Variants in MTDH observed in about 807,000 individuals in gnomAD.
The protein encoded by MTDH is metadherin.
A neutral mutation model predicts 72.7 loss-of-function variants in MTDH; 34 were observed. The ratio of observed to expected loss-of-function variants is 0.47; its 90% CI spans 0.36 to 0.62. The LOEUF is 0.62. Among genes scored for constraint, MTDH ranks in the 20% least tolerant of loss-of-function variants. MTDH has a pLI of 0.00. For missense variants in MTDH, 677 were observed against 699.4 expected (o/e 0.97, Z 0.36); for synonymous variants, 266 against 268.9 (o/e 0.99, Z 0.10).
At chr8:97,664,007 C>G (rs1812277797) in intron 2 of MTDH, among the ~76,000 whole-genome samples, 2 of 152,078 alleles carry the variant, frequency 1.3e-5, no homozygotes. Context: ...ATAGTTATAG[C>G]CCCATTTTAC....
chr8:97,661,611 T>C (rs1340000401), intron 2 of MTDH, among the ~76,000 whole-genome samples: 1 of 152,206 alleles, frequency 6.6e-6, no homozygotes, highest in African/African-American at 2.4e-5. Context: ...GGAAACATAA[T>C]TGTCTATTTA....
At chr8:97,651,175 C>T (rs1811756985) in intron 1 of MTDH, among the ~76,000 whole-genome samples, 1 of 152,182 alleles carries the variant, frequency 6.6e-6, no homozygotes, top group African/African-American at 2.4e-5. Flanking sequence ...AGCCTCTGGT[C>T]ACAATATTTT....
chr8:97,697,146 A>ATTTT (rs1317264159), intron 6 of MTDH, among the ~76,000 whole-genome samples: 1 of 68,966 alleles, frequency 1.4e-5, no homozygotes, highest in African/African-American at 1.4e-4. Flanking sequence ...ATATATATAT[A>ATTTT]TATATTTTTT....
intron 1 of MTDH, among the ~76,000 whole-genome samples, chr8:97,650,611 G>C (rs1203497245): frequency 6.6e-6 from 1 of 152,176 alleles, no homozygotes; most frequent in Non-Finnish European, 1.5e-5. Flanking sequence ...TCAAGGCCCA[G>C]CTGCAGTGCT....
At position 97,722,249 on chromosome 8, in the gene MTDH, C is replaced by T. The variant is rs1461790467; in HGVS notation, c.1522-630C>T. Among the ~76,000 whole-genome samples the T allele has an allele frequency of 4.6e-5, 7 of 151,270 alleles. No homozygotes were observed. The East Asian group carries it at 1.2e-3, about 25-fold the overall frequency. On this transcript the variant is annotated intron_variant, in intron 10 of 11. Transcript: ENST00000336273. ...CTGCACTCTAGGCTAGGCCATAGAGCGATACTCTGTCTCAAAAAAGAAAAG... is the reference window on the plus strand; with the variant it reads ...CTGCACTCTAGGCTAGGCCATAGAGTGATACTCTGTCTCAAAAAAGAAAAG...
chr8:97,664,747 T>C (rs1812311474), intron 2 of MTDH, among the ~76,000 whole-genome samples: 1 of 151,960 alleles, frequency 6.6e-6, no homozygotes, highest in Admixed American at 6.6e-5. Context: ...TTTTCCTTCC[T>C]TCCTTCTTTC....
intron 2 of MTDH, among the ~76,000 whole-genome samples, chr8:97,668,445 A>T (rs1038653605): frequency 1.3e-5 from 2 of 152,156 alleles, no homozygotes; most frequent in African/African-American, 4.8e-5. Context: ...GGGCTGTGTC[A>T]TGGGCCAAAA....
chr8:97,652,233 G>A (rs1024665150), intron 1 of MTDH, among the ~76,000 whole-genome samples: 1 of 152,164 alleles, frequency 6.6e-6, no homozygotes, highest in African/African-American at 2.4e-5. Flanking sequence ...GTATGGCCCA[G>A]CACCTGCTTT....
chr8:97,664,606 G>T (rs1812303734), intron 2 of MTDH, among the ~76,000 whole-genome samples: 1 of 152,082 alleles, frequency 6.6e-6, no homozygotes, highest in Non-Finnish European at 1.5e-5. Flanking sequence ...TTTTAATGTG[G>T]TCAGGTCTAG....
intron 11 of MTDH, among the ~76,000 whole-genome samples, chr8:97,723,521 A>T (rs2131092392): frequency 6.6e-6 from 1 of 151,680 alleles, no homozygotes; most frequent in South Asian, 2.1e-4. Flanking sequence ...AGGCGGGCGG[A>T]TCACTAGGTC....
chr8:97,664,536 C>G (rs946469935), intron 2 of MTDH, among the ~76,000 whole-genome samples: 2 of 152,146 alleles, frequency 1.3e-5, no homozygotes, highest in Non-Finnish European at 2.9e-5. Flanking sequence ...ATAATACATG[C>G]TACAACTCAT....
chr8:97,677,004 C>CAAAAAAAAA (rs57430782), intron 2 of MTDH, among the ~76,000 whole-genome samples: 1,507 of 23,290 alleles, frequency 0.065, 417 homozygotes, highest in Admixed American at 0.16. Flanking sequence ...GACTCTATCT[C>CAAAAAAAAA]AAAAAAAAAA....
intron 1 of MTDH, among the ~76,000 whole-genome samples, chr8:97,645,415 T>A (rs1244329378): frequency 6.6e-6 from 1 of 152,168 alleles, no homozygotes; most frequent in Admixed American, 6.5e-5. Context: ...CCATTTTAGT[T>A]GGGACTGTTA....
intron 1 of MTDH, among the ~76,000 whole-genome samples, chr8:97,653,632 A>G (rs960799390): frequency 6.6e-6 from 1 of 152,188 alleles, no homozygotes; most frequent in Non-Finnish European, 1.5e-5. Flanking sequence ...CCCTATGAAC[A>G]TTCATTTTTG....
At position 97,650,084 on chromosome 8, in the gene MTDH, G is replaced by A. The variant is rs374476225; in HGVS notation, c.381+5197G>A. 2.6e-5 allele frequency among the ~76,000 whole-genome samples: 4 copies of A among 151,966 alleles called. 1 individual carries two copies. The South Asian group carries it at 6.2e-4, about 24-fold the overall frequency. On this transcript the variant is annotated intron_variant, in intron 1 of 11. Coordinates refer to ENST00000336273, the MANE Select transcript of MTDH (RefSeq NM_178812.4). ...ACGTTCTCCTGCCTCAGCCTCCTGA[G>A]TAGCTGGGACTACAGGCGCCCACCA...
chr8:97,699,892 G>GT, intron 7 of MTDH, 40 bp downstream of exon 7: 1 of 1,369,854 alleles, frequency 7.3e-7, no homozygotes, highest in Non-Finnish European at 1.0e-6. Flanking sequence ...TTTTTTCAGA[G>GT]TTTTCTTTCT....
intron 6 of MTDH, among the ~76,000 whole-genome samples, chr8:97,694,720 C>G (rs919277142): frequency 1.3e-5 from 2 of 151,874 alleles, no homozygotes; most frequent in African/African-American, 4.8e-5. Context: ...CCAGGAGTTC[C>G]AAGACCAGCC....
rs1215052859 is a variant in MTDH, at chr8:97,727,497, A to C, written c.*2827A>C. On this transcript the variant is annotated 3_prime_UTR_variant, in exon 12 of 12. Coordinates refer to ENST00000336273, the MANE Select transcript of MTDH (RefSeq NM_178812.4). Reference sequence around the variant, plus strand: ...ATGAAAGAGCGAGACTCAATCTCAAAAAAAAAAAAGTTTCTGGCACCTGAA... The same window carrying C: ...ATGAAAGAGCGAGACTCAATCTCAACAAAAAAAAAGTTTCTGGCACCTGAA... 1 of 151,906 alleles carries C rather than the reference A, an allele frequency of 6.6e-6. No homozygotes were observed. Among genetic ancestry groups the C allele is most frequent in the Non-Finnish European group, 1.5e-5 (1 of 68,000 alleles). 9.4% of individuals were successfully genotyped at this position (151,906 alleles called of 1,614,324 possible). A position where few individuals can be genotyped will look rare whatever the true frequency, so the allele number is the denominator to read the frequency against.
At chr8:97,648,574 T>G (rs2468026) in intron 1 of MTDH, among the ~76,000 whole-genome samples, 73,129 of 151,406 alleles carry the variant, frequency 0.48, 20,999 homozygotes, top group African/African-American at 0.8. Flanking sequence ...GCTCACTGCA[T>G]CCTCAAACTC....
Sources: gnomAD v4.1 joint callset for allele counts (sites outside exome capture counted in the v4.1 genomes callset) on GRCh38, gnomAD v4.1.1 for gene constraint, MANE v1.5 for transcripts, NCBI Gene and HGNC (gene_info 2026-07-23, HGNC 2026-07-21) for gene names.